The following ADGRD1 variants were observed in gnomAD, a reference collection of about 807,000 sequenced individuals.
ADGRD1 encodes the protein adhesion G protein-coupled receptor D1.
Under a neutral mutation model 113.4 loss-of-function variants are expected in ADGRD1, and 77 were observed. The ratio of observed to expected loss-of-function variants is 0.68; its 90% CI spans 0.57 to 0.82. The LOEUF is 0.82. Ranked by LOEUF, ADGRD1 falls within the 40% of genes least tolerant of loss-of-function variation. The pLI is 0.00. For synonymous variants in ADGRD1, 474 were observed against 475.0 expected (o/e 1.00, Z 0.03); for missense variants, 1,036 against 1,139.1 (o/e 0.91, Z 1.30).
intron 22 of ADGRD1, among the ~76,000 whole-genome samples, chr12:131,136,483 C>T (rs1951089487): frequency 6.6e-6 from 1 of 152,248 alleles, no homozygotes; most frequent in South Asian, 2.1e-4. Context: ...GGGCGGTCCC[C>T]CAGGTGCTGC....
intron 8 of ADGRD1, among the ~76,000 whole-genome samples, chr12:130,996,383 G>A (rs1474117018): frequency 2.6e-4 from 30 of 116,540 alleles, no homozygotes; most frequent in South Asian, 5.3e-4. Context: ...CCTCCTGGAC[G>A]GGGCGGCTGG....
intron 13 of ADGRD1, among the ~76,000 whole-genome samples, chr12:131,034,528 G>T (rs1312324263): frequency 6.6e-6 from 1 of 152,204 alleles, no homozygotes; most frequent in African/African-American, 2.4e-5. Context: ...TCCATGGGGT[G>T]GAGGAAGGAA....
At chr12:130,980,198 G>A (rs1370819064) in intron 4 of ADGRD1, among the ~76,000 whole-genome samples, 2 of 150,312 alleles carry the variant, frequency 1.3e-5, no homozygotes, top group African/African-American at 4.9e-5. Flanking sequence ...TCTGCCTCCC[G>A]GGTTCACGCC....
intron 3 of ADGRD1, chr12:130,968,326 T>C (rs74919628): frequency 0.02 from 2,993 of 152,628 alleles, 37 homozygotes; most frequent in South Asian, 0.055. Flanking sequence ...TCCTGGAACA[T>C]TGCAATGTGG....
chr12:131,105,805 C>G lies in ADGRD1; in HGVS notation c.1827C>G (p.Ser609=), dbSNP rs763468302. The change falls in exon 17 of 25, where the codon TCC becomes TCG. Residue 609 remains serine (S), a synonymous_variant. Coordinates refer to ENST00000261654, the MANE Select transcript of ADGRD1 (RefSeq NM_198827.5). Reference sequence around the variant, plus strand: ...GCTACCACATCCACGCCAACCTGTCCTTCGCCGTGCTGGTGGCCCAGGTCC... The same window carrying G: ...GCTACCACATCCACGCCAACCTGTCGTTCGCCGTGCTGGTGGCCCAGGTCC... ...NQRYHIHANL[S]FAVLVAQVLL... is the part of the protein sequence containing the mutation. The G allele has an allele frequency of 6.2e-7, 1 of 1,601,210 alleles. No homozygotes were observed. The highest frequency in any genetic ancestry group is 1.1e-5 in the South Asian group (1 of 91,062).
At chr12:131,067,984 C>T (rs563270270) in intron 13 of ADGRD1, among the ~76,000 whole-genome samples, 10 of 134,888 alleles carry the variant, frequency 7.4e-5, no homozygotes, top group South Asian at 5.4e-4. Flanking sequence ...TCGCTGTGCC[C>T]CTGATCCTTC....
chr12:130,958,492 A>G (rs1815181), intron 2 of ADGRD1, among the ~76,000 whole-genome samples: 3 of 151,926 alleles, frequency 2.0e-5, no homozygotes, highest in East Asian at 1.9e-4. Flanking sequence ...GAGCCACCGC[A>G]CCCAGCCCCA....
At chr12:131,054,775 C>A (rs551079601) in intron 13 of ADGRD1, among the ~76,000 whole-genome samples, 1 of 152,332 alleles carries the variant, frequency 6.6e-6, no homozygotes, top group Admixed American at 6.5e-5. Flanking sequence ...AGGTTCCCCT[C>A]GCTGCTGCAG....
intron 19 of ADGRD1, among the ~76,000 whole-genome samples, chr12:131,119,596 C>T (rs1257967696): frequency 6.6e-6 from 1 of 152,228 alleles, no homozygotes; most frequent in East Asian, 1.9e-4. Context: ...GTTCAGGAAG[C>T]TCACCAGGTT....
At chr12:131,070,895 G>A (rs1437938783) in intron 13 of ADGRD1, 2 of 519,068 alleles carry the variant, frequency 3.9e-6, no homozygotes. Flanking sequence ...AGTCGGGTGA[G>A]TCTGCCATCC....
chr12:131,131,372 G>A (rs571134059), intron 20 of ADGRD1, among the ~76,000 whole-genome samples: 1 of 152,184 alleles, frequency 6.6e-6, no homozygotes, highest in Non-Finnish European at 1.5e-5. Context: ...TCATCACCTG[G>A]GGCACTGAGG....
intron 8 of ADGRD1, among the ~76,000 whole-genome samples, chr12:130,997,608 C>T (rs7313641): frequency 0.36 from 54,974 of 150,904 alleles, 10,479 homozygotes; most frequent in African/African-American, 0.47. Flanking sequence ...AGACGATGGG[C>T]GGCCGGGCAG....
At chr12:131,088,732 C>T (rs1241119719) in intron 15 of ADGRD1, among the ~76,000 whole-genome samples, 2 of 152,116 alleles carry the variant, frequency 1.3e-5, no homozygotes, top group Non-Finnish European at 2.9e-5. Flanking sequence ...CGGCAGCCCG[C>T]TGGTGTGGCG....
At chr12:130,983,079 G>A (rs910828227) in intron 5 of ADGRD1, among the ~76,000 whole-genome samples, 6 of 152,196 alleles carry the variant, frequency 3.9e-5, no homozygotes, top group Admixed American at 1.3e-4. Flanking sequence ...ATCAAATCCC[G>A]CCTCTGGACG....
At chr12:131,079,120 G>A (rs1349304975) in intron 14 of ADGRD1, among the ~76,000 whole-genome samples, 2 of 152,214 alleles carry the variant, frequency 1.3e-5, no homozygotes, top group Non-Finnish European at 2.9e-5. Context: ...GCCTTTTGGA[G>A]TCTAGCCTCT....
At chr12:131,111,844 C>G (rs995262517) in intron 18 of ADGRD1, among the ~76,000 whole-genome samples, 2 of 152,056 alleles carry the variant, frequency 1.3e-5, no homozygotes, top group East Asian at 3.8e-4. Context: ...CATTCCTTTA[C>G]TTTTTCAATG....
At chr12:131,013,579 C>T (rs1408518884) in intron 12 of ADGRD1, among the ~76,000 whole-genome samples, 1 of 152,220 alleles carries the variant, frequency 6.6e-6, no homozygotes, top group African/African-American at 2.4e-5. Context: ...GATCCAGACC[C>T]AGATACCAGG....
At chr12:131,109,539 G>A (rs758881647) in intron 18 of ADGRD1, among the ~76,000 whole-genome samples, 1 of 152,102 alleles carries the variant, frequency 6.6e-6, no homozygotes, top group Non-Finnish European at 1.5e-5. Flanking sequence ...ATATTCATGA[G>A]TTTCTCACTT....
chr12:130,967,942 G>A (rs891392084), intron 3 of ADGRD1: 1 of 152,218 alleles, frequency 6.6e-6, no homozygotes, highest in African/African-American at 2.4e-5. Flanking sequence ...GGGTTCAAAC[G>A]AACCACGTTC....
Sources: gnomAD v4.1 joint callset for allele counts (sites outside exome capture counted in the v4.1 genomes callset) on GRCh38, gnomAD v4.1.1 for gene constraint, MANE v1.5 for transcripts, NCBI Gene and HGNC (gene_info 2026-07-23, HGNC 2026-07-21) for gene names.